GALNT13: variants seen among roughly 807,000 people sequenced by gnomAD.
GALNT13 encodes the protein polypeptide N-acetylgalactosaminyltransferase 13, also known as UDP-GalNAc:polypeptide N-acetylgalactosaminyltransferase 13.
GALNT13 carries 28 observed loss-of-function variants against 64.2 expected under a neutral mutation model. The ratio of observed to expected loss-of-function variants is 0.44; its 90% CI spans 0.32 to 0.60. The LOEUF is 0.60. Among genes scored for constraint, GALNT13 ranks in the 20% least tolerant of loss-of-function variants. The pLI is 0.05. For missense variants in GALNT13, 577 were observed against 669.8 expected (o/e 0.86, Z 1.53); for synonymous variants, 214 against 224.6 (o/e 0.95, Z 0.42).
chr2:153,881,595 A>T (rs1049536861), intron 1 of GALNT13, among the ~76,000 whole-genome samples: 2 of 152,204 alleles, frequency 1.3e-5, no homozygotes, highest in African/African-American at 4.8e-5. Flanking sequence ...TACAATGCAC[A>T]AATTCTTATT....
At chr2:154,204,815 A>G (rs1165866620) in intron 4 of GALNT13, among the ~76,000 whole-genome samples, 3 of 152,190 alleles carry the variant, frequency 2.0e-5, no homozygotes, top group Non-Finnish European at 2.9e-5. Context: ...CTTCGCCAGT[A>G]CTAGTATATT....
chr2:153,398,007 G>T, the GALNT13 span, among the ~76,000 whole-genome samples: 1 of 151,792 alleles, frequency 6.6e-6, no homozygotes, highest in Non-Finnish European at 1.5e-5. Context: ...GTGCCATGCT[G>T]GTGTGCTGCA....
chr2:154,389,826 G>A (rs1412122988), intron 9 of GALNT13, among the ~76,000 whole-genome samples: 2 of 152,112 alleles, frequency 1.3e-5, no homozygotes, highest in Non-Finnish European at 2.9e-5. Context: ...ATGTAATTAT[G>A]TGTAGGGAAA....
the GALNT13 span, among the ~76,000 whole-genome samples, chr2:153,789,249 C>T: frequency 6.6e-6 from 1 of 152,122 alleles, no homozygotes; most frequent in African/African-American, 2.4e-5. Context: ...ACCAAACACA[C>T]TCTCAGACCA....
the GALNT13 span, among the ~76,000 whole-genome samples, chr2:153,620,573 C>G: frequency 6.6e-6 from 1 of 151,852 alleles, no homozygotes; most frequent in Non-Finnish European, 1.5e-5. Context: ...CTTCAGTTTG[C>G]CAATTGTATT....
At chr2:153,846,075 G>A in the GALNT13 span, among the ~76,000 whole-genome samples, 2 of 152,066 alleles carry the variant, frequency 1.3e-5, no homozygotes, top group Non-Finnish European at 2.9e-5. Flanking sequence ...TAGCAAATAA[G>A]CAGTAAACAG....
the GALNT13 span, among the ~76,000 whole-genome samples, chr2:153,728,672 C>T: frequency 1.1e-4 from 16 of 152,002 alleles, no homozygotes; most frequent in African/African-American, 3.4e-4. Context: ...GCTAGAGACA[C>T]GAAAAACCCT....
At chr2:153,145,261 A>C in the GALNT13 span, among the ~76,000 whole-genome samples, 1 of 151,954 alleles carries the variant, frequency 6.6e-6, no homozygotes, top group Non-Finnish European at 1.5e-5. Context: ...TGGTCGTTAG[A>C]ACAAAATAGA....
chr2:153,679,167 C>T, the GALNT13 span, among the ~76,000 whole-genome samples: 47 of 152,002 alleles, frequency 3.1e-4, no homozygotes, highest in African/African-American at 1.1e-3. Flanking sequence ...TTATTTCCTT[C>T]GCAACAGCCA....
intron 3 of GALNT13, among the ~76,000 whole-genome samples, chr2:154,116,785 C>A (rs1046998423): frequency 6.6e-6 from 1 of 152,068 alleles, no homozygotes; most frequent in African/African-American, 2.4e-5. Context: ...CAGAAACCCC[C>A]GAACCAATGA....
chr2:153,403,221 C>T, the GALNT13 span, among the ~76,000 whole-genome samples: 1 of 149,878 alleles, frequency 6.7e-6, no homozygotes. Context: ...CTGGGGGGTG[C>T]CTCCCGGTTA....
chr2:154,348,452 T>C (rs1346167542), intron 9 of GALNT13, among the ~76,000 whole-genome samples: 1 of 152,080 alleles, frequency 6.6e-6, no homozygotes, highest in African/African-American at 2.4e-5. Flanking sequence ...AAGTATACTT[T>C]CTATTAGTCA....
the GALNT13 span, among the ~76,000 whole-genome samples, chr2:153,661,855 G>T: frequency 6.6e-6 from 1 of 152,132 alleles, no homozygotes; most frequent in Admixed American, 6.6e-5. Context: ...AGGACATTAA[G>T]ATTTTCTTCA....
intron 2 of GALNT13, among the ~76,000 whole-genome samples, chr2:153,930,403 T>A (rs1353067393): frequency 6.6e-6 from 1 of 152,172 alleles, no homozygotes; most frequent in East Asian, 1.9e-4. Context: ...AAATCTTTGC[T>A]GGGACCTATG....
intron 4 of GALNT13, 127 bp from the exon 5 acceptor site, chr2:154,241,903 A>C (rs540883441): frequency 2.0e-5 from 10 of 509,316 alleles, no homozygotes; most frequent in Middle Eastern, 5.1e-4. Flanking sequence ...GATTTTAGAT[A>C]TTCATAAAAC....
intron 2 of GALNT13, among the ~76,000 whole-genome samples, chr2:153,904,654 G>C (rs1261085977): frequency 1.3e-5 from 2 of 151,544 alleles, no homozygotes; most frequent in African/African-American, 4.8e-5. Context: ...TTTTAAAATT[G>C]TTAATATTCA....
the GALNT13 span, among the ~76,000 whole-genome samples, chr2:153,511,282 CA>C: frequency 5.0e-4 from 70 of 139,730 alleles, no homozygotes; most frequent in Admixed American, 7.9e-4. Flanking sequence ...GGGTCCACTG[CA>C]AAAAAAAAAG....
At chr2:153,502,191 C>T in the GALNT13 span, among the ~76,000 whole-genome samples, 1 of 151,998 alleles carries the variant, frequency 6.6e-6, no homozygotes, top group Admixed American at 6.6e-5. Flanking sequence ...ACCCATCACC[C>T]AAGCAGTGTA....
At chr2:153,949,515 A>C (rs1038305472) in intron 3 of GALNT13, among the ~76,000 whole-genome samples, 2 of 141,096 alleles carry the variant, frequency 1.4e-5, no homozygotes, top group African/African-American at 5.7e-5. Flanking sequence ...ATCTCAAAAA[A>C]GAAAAAAAAA....
Sources: allele counts gnomAD v4.1 joint callset (sites outside exome capture counted in the v4.1 genomes callset), GRCh38; gene constraint gnomAD v4.1.1; transcripts MANE v1.5; gene names NCBI Gene and HGNC (gene_info 2026-07-23, HGNC 2026-07-21).